Variants in EYS observed in about 807,000 individuals in gnomAD.
EYS encodes the protein protein eyes shut homolog.
In EYS, 250 loss-of-function variants were observed where a neutral mutation model predicts 282.1. The observed-to-expected ratio is 0.89, with a 90% CI of 0.80 to 0.98. EYS has a LOEUF of 0.98. Ranked by LOEUF, EYS falls within the 50% of genes least tolerant of loss-of-function variation. The pLI is 0.00. For missense variants in EYS, 4,016 were observed against 3,709.0 expected, an observed-to-expected ratio of 1.08 and a Z score of -2.15; for synonymous variants, 1,355 against 1,282.9, an observed-to-expected ratio of 1.06 and a Z score of -1.20.
At chr6:64,371,434 G>A (rs1161313362) in intron 29 of EYS, among the ~76,000 whole-genome samples, 1 of 151,448 alleles carries the variant, frequency 6.6e-6, no homozygotes, top group Non-Finnish European at 1.5e-5. Context: ...ATGCCTGATT[G>A]TGTGGGTAAT....
chr6:65,174,612 A>C (rs1313574992), intron 12 of EYS, among the ~76,000 whole-genome samples: 1 of 151,332 alleles, frequency 6.6e-6, no homozygotes, highest in Non-Finnish European at 1.5e-5. Flanking sequence ...TTTAGAAGAT[A>C]ATTCGATCTT....
At chr6:65,210,819 G>A (rs1443290212) in intron 12 of EYS, among the ~76,000 whole-genome samples, 1 of 151,738 alleles carries the variant, frequency 6.6e-6, no homozygotes, top group African/African-American at 2.4e-5. Context: ...TTAAGTTTTA[G>A]ACAAAGTTTT....
intron 31 of EYS, among the ~76,000 whole-genome samples, chr6:64,184,257 G>A (rs1008270840): frequency 6.6e-6 from 1 of 152,080 alleles, no homozygotes; most frequent in Non-Finnish European, 1.5e-5. Flanking sequence ...ATACCAAAGT[G>A]CCTTGTATGT....
chr6:65,180,297 C>T (rs963688269), intron 12 of EYS, among the ~76,000 whole-genome samples: 13 of 151,788 alleles, frequency 8.6e-5, no homozygotes, highest in African/African-American at 2.9e-4. Context: ...GATTGTATAT[C>T]TAGAAAACCC....
intron 15 of EYS, among the ~76,000 whole-genome samples, chr6:64,928,889 G>A (rs1768605889): frequency 6.6e-6 from 1 of 151,922 alleles, no homozygotes; most frequent in Admixed American, 6.6e-5. Flanking sequence ...ATGCAGTTCT[G>A]TGAATAAAAT....
chr6:64,726,024 A>T (rs1771743667), intron 22 of EYS, among the ~76,000 whole-genome samples: 1 of 152,146 alleles, frequency 6.6e-6, no homozygotes, highest in South Asian at 2.1e-4. Context: ...TTACAGGTTC[A>T]AAAATACCCC....
At chr6:65,680,192 C>A (rs1768768362) in intron 1 of EYS, among the ~76,000 whole-genome samples, 2 of 151,630 alleles carry the variant, frequency 1.3e-5, no homozygotes, top group South Asian at 4.1e-4. Flanking sequence ...AGATGTGGGT[C>A]ACGTATCTTC....
chr6:65,222,500 A>G (rs2150260374), intron 12 of EYS, among the ~76,000 whole-genome samples: 1 of 152,286 alleles, frequency 6.6e-6, no homozygotes, highest in South Asian at 2.1e-4. Context: ...CAGCATGTGG[A>G]ACTGTGAGTC....
At chr6:64,412,914 G>A (rs762694786) in intron 28 of EYS, 33 of 152,096 alleles carry the variant, frequency 2.2e-4, no homozygotes, top group Admixed American at 5.9e-4. Context: ...AAAAAATAGA[G>A]ACAAAATTTT....
chr6:64,214,866 AAT>A (rs1167343657), intron 31 of EYS, among the ~76,000 whole-genome samples: 1 of 152,056 alleles, frequency 6.6e-6, no homozygotes, highest in African/African-American at 2.4e-5. Flanking sequence ...ATATGCATAT[AAT>A]ATGTGTGTAA....
chr6:63,732,954 A>AGAAAGGCATGTATGCATGTGGGGGCAG (rs1220508267), intron 41 of EYS, among the ~76,000 whole-genome samples: 1 of 152,200 alleles, frequency 6.6e-6, no homozygotes, highest in Admixed American at 6.5e-5. Flanking sequence ...CAGGGAAAGG[A>AGAAAGGCATGTATGCATGTGGGGGCAG]GAAAGGCATG....
chr6:65,654,861 C>A (rs1450151236), intron 1 of EYS, among the ~76,000 whole-genome samples: 1 of 150,306 alleles, frequency 6.7e-6, no homozygotes, highest in South Asian at 2.1e-4. Flanking sequence ...TTACCATATA[C>A]AACTATGGTA....
chr6:65,635,999 C>T (rs1406555278), intron 2 of EYS, among the ~76,000 whole-genome samples: 1 of 152,192 alleles, frequency 6.6e-6, no homozygotes, highest in Non-Finnish European at 1.5e-5. Context: ...GTAACAACCC[C>T]ATCTTCTGTG....
intron 12 of EYS, among the ~76,000 whole-genome samples, chr6:65,291,396 C>T (rs1768520535): frequency 6.6e-6 from 1 of 151,480 alleles, no homozygotes; most frequent in Non-Finnish European, 1.5e-5. Context: ...TCAACAACCA[C>T]TCACATGTTT....
intron 22 of EYS, among the ~76,000 whole-genome samples, chr6:64,696,319 G>GA (rs1770578198): frequency 6.6e-6 from 1 of 151,906 alleles, no homozygotes. Flanking sequence ...ACAAAATGAA[G>GA]AAAAAAGAAT....
intron 35 of EYS, among the ~76,000 whole-genome samples, chr6:63,948,653 AT>A (rs908863013): frequency 8.0e-5 from 12 of 150,898 alleles, no homozygotes; most frequent in Middle Eastern, 3.4e-3. Context: ...TCCTGAACCA[AT>A]TTTTTTTTCT....
intron 5 of EYS, among the ~76,000 whole-genome samples, chr6:65,461,834 C>A (rs1399549734): frequency 6.6e-6 from 1 of 152,036 alleles, no homozygotes; most frequent in Admixed American, 6.6e-5. Flanking sequence ...TCATACTTTA[C>A]TGATAGGAAG....
intron 33 of EYS, among the ~76,000 whole-genome samples, chr6:64,035,595 G>C (rs964128287): frequency 6.6e-6 from 1 of 152,162 alleles, no homozygotes; most frequent in African/African-American, 2.4e-5. Flanking sequence ...CCAGAGTAAA[G>C]AATCATGTAA....
chr6:64,974,550 T>C (rs1770410666), intron 14 of EYS, among the ~76,000 whole-genome samples: 1 of 151,870 alleles, frequency 6.6e-6, no homozygotes, highest in Non-Finnish European at 1.5e-5. Flanking sequence ...CTCCAAAGTT[T>C]CCAAATACAA....
Sources: allele counts gnomAD v4.1 joint callset (sites outside exome capture counted in the v4.1 genomes callset), GRCh38; gene constraint gnomAD v4.1.1; transcripts MANE v1.5; gene names NCBI Gene and HGNC (gene_info 2026-07-23, HGNC 2026-07-21).